SLC46A3: variants seen among roughly 807,000 people sequenced by gnomAD.
SLC46A3 encodes lysosomal proton-coupled steroid conjugate and bile acid symporter SLC46A3.
SLC46A3 carries 26 observed loss-of-function variants against 38.5 expected under a neutral mutation model. That is an observed-to-expected ratio of 0.68 (90% CI 0.49 to 0.94). SLC46A3 has a LOEUF of 0.94. Ranked by LOEUF, SLC46A3 falls within the 40% of genes least tolerant of loss-of-function variation. The pLI is 0.00. For missense variants in SLC46A3, 510 were observed against 544.3 expected (o/e 0.94, Z 0.63); for synonymous variants, 185 against 192.5 (o/e 0.96, Z 0.32).
rs74759381 is a variant in SLC46A3, at chr13:28,714,559, G to A, written c.190-1009C>T. ...AGGTCAGGAGTTTGAGACCAGCCTG[G>A]CCAACATGGCAAAACCCTGTCTCTA... On this transcript the variant is annotated intron_variant, in intron 2 of 5. Transcript: ENST00000266943. Among the ~76,000 whole-genome samples the A allele has an allele frequency of 8.4e-3, 1,284 of 152,312 alleles. 10 individuals carry two copies. The highest frequency in any genetic ancestry group is 0.029 in the African/African-American group (1,221 of 41,562).
intron 4 of SLC46A3, among the ~76,000 whole-genome samples, chr13:28,705,841 G>A (rs1305842382): frequency 1.3e-5 from 2 of 152,134 alleles, no homozygotes; most frequent in African/African-American, 2.4e-5. Flanking sequence ...CTGCAGCCAG[G>A]AATAGTGCTA....
chr13:28,706,486 TCA>T (rs796901630), intron 4 of SLC46A3, among the ~76,000 whole-genome samples: 107 of 152,352 alleles, frequency 7.0e-4, no homozygotes, highest in African/African-American at 2.5e-3. Context: ...AAGTCACAAT[TCA>T]CAGTTACCGT....
At position 28,700,502 on chromosome 13, in the gene SLC46A3, A is replaced by G. The variant is rs1884987617; in HGVS notation, c.*995T>C. On this transcript the variant is annotated 3_prime_UTR_variant, in exon 6 of 6. Transcript: ENST00000266943. ...TTCCTATGAGTGACCGTGTTGACGG[A>G]TTCAAATTTAAGGAGTACAAGATCG... The G allele has an allele frequency of 6.4e-6, 1 of 155,298 alleles. No individual in the cohort carries two copies. The highest frequency in any genetic ancestry group is 1.4e-5 in the Non-Finnish European group (1 of 70,060). The allele number at this position is 155,298 out of a possible 1,614,324, so 9.6% of individuals were successfully genotyped here. A position where few individuals can be genotyped will look rare whatever the true frequency, so the allele number is the denominator to read the frequency against.
At chr13:28,717,506 T>TTTTTTTTTTTTTTTTTTTTTTTTTTGTTG (rs1885563782) in intron 2 of SLC46A3, among the ~76,000 whole-genome samples, 1 of 98,068 alleles carries the variant, frequency 1.0e-5, no homozygotes, top group Non-Finnish European at 2.2e-5. Context: ...TTTTTTTTTT[T>TTTTTTTTTTTTTTTTTTTTTTTTTTGTTG]TTTTAGGACA....
chr13:28,713,250 G>T lies in SLC46A3; in HGVS notation c.490C>A (p.Gln164Lys), dbSNP rs991291679. The T allele has an allele frequency of 6.2e-6, 10 of 1,613,622 alleles. No homozygotes were observed. The highest frequency in any genetic ancestry group is 8.5e-6 in the Non-Finnish European group (10 of 1,179,910). ...ATGATAGCTATTCGAATTGTTTTTT[G>T]TTTGTGTTCTTTACACTGATCAACT... Reference protein sequence around the residue: ...YIVDQCKEHKQKTIRIAIIDF... With the variant: ...YIVDQCKEHKKKTIRIAIIDF... The change falls in exon 3 of 6, where the codon CAA (glutamine) becomes AAA (lysine). Residue 164 changes from glutamine (Q) to lysine (K), a missense_variant. Coordinates refer to ENST00000266943, the MANE Select transcript of SLC46A3 (RefSeq NM_181785.4).
intron 3 of SLC46A3, 52 bp downstream of exon 3, chr13:28,712,628 T>G (rs1157634102): frequency 8.1e-6 from 12 of 1,479,634 alleles, no homozygotes; most frequent in Admixed American, 2.5e-5. Context: ...TAAATTCATT[T>G]TATATGAATA....
At chr13:28,706,495 C>T (rs1376056122) in intron 4 of SLC46A3, among the ~76,000 whole-genome samples, 2 of 152,088 alleles carry the variant, frequency 1.3e-5, no homozygotes, top group Admixed American at 6.5e-5. Context: ...TTCACAGTTA[C>T]CGTAATTCAA....
Position 28,713,046 on chromosome 13 carries a change from T to C in SLC46A3, c.694A>G (p.Met232Val), listed in dbSNP as rs370485751. ...VKECSSQNVT[M>V]SCSEGFKNLF... ...TTTTTGAAGCCTTCACTACATGACA[T>C]AGTAACATTCTGAGATGAACACTCT... The change falls in exon 3 of 6, where the codon ATG (methionine) becomes GTG (valine). Residue 232 changes from methionine to valine, a missense_variant. Physicochemically the swap from Met to Val is conservative, Grantham distance 21. Coordinates refer to ENST00000266943, the MANE Select transcript of SLC46A3 (RefSeq NM_181785.4). 1 of 1,611,488 alleles carries C rather than the reference T, an allele frequency of 6.2e-7. No individual in the cohort carries two copies. The highest frequency in any genetic ancestry group is 8.5e-7 in the Non-Finnish European group (1 of 1,179,592).
Position 28,701,028 on chromosome 13 carries a change from C to T in SLC46A3, c.*469G>A. The T allele has an allele frequency of 1.3e-6, 2 of 1,519,554 alleles. No individual in the cohort carries two copies. The highest frequency in any genetic ancestry group is 2.2e-5 in the Admixed American group (1 of 44,778). 94.1% of individuals were successfully genotyped at this position (1,519,554 alleles called of 1,614,324 possible). A position where few individuals can be genotyped will look rare whatever the true frequency, so the allele number is the denominator to read the frequency against. On this transcript the variant is annotated 3_prime_UTR_variant, in exon 6 of 6. Transcript: ENST00000266943. ...GAAACTTATATCATTATTTTCCTAC[C>T]AATGAGTGATTCATCATAATTTTCA...
intron 2 of SLC46A3, among the ~76,000 whole-genome samples, chr13:28,717,565 G>A (rs1021461086): frequency 8.8e-5 from 13 of 148,416 alleles, no homozygotes; most frequent in South Asian, 2.1e-4. Flanking sequence ...GAAATTTTCC[G>A]AGAGAAAGGA....
rs2137816194 is a variant in SLC46A3 at position 28,701,193 on chromosome 13, T to C, written c.*304A>G. 1 of 1,397,734 alleles carries C rather than the reference T, an allele frequency of 7.2e-7. No homozygotes were observed. Among genetic ancestry groups the C allele is most frequent in the Non-Finnish European group, 9.3e-7 (1 of 1,076,630 alleles). 86.6% of individuals were successfully genotyped at this position (1,397,734 alleles called of 1,614,324 possible). On this transcript the variant is annotated 3_prime_UTR_variant, in exon 6 of 6. Coordinates refer to ENST00000266943, the MANE Select transcript of SLC46A3 (RefSeq NM_181785.4). ...ATTATTGCTTTTGACCTTATCAAGT[T>C]TCTTGATCCCTCCTTACACCCTTAA...
rs1433854510 is a variant in SLC46A3, at chr13:28,700,829, TA to T, written c.*667del. ...GAAACATATTAAGAAAAGTGAAAAA[TA>T]CATATTCTTTAAAGTGCCTCCCTTT... is the stretch of plus-strand genomic sequence containing the variant. On this transcript the variant is annotated 3_prime_UTR_variant, in exon 6 of 6. Coordinates refer to ENST00000266943, the MANE Select transcript of SLC46A3 (RefSeq NM_181785.4). 14 of 747,600 alleles carry T rather than the reference TA, an allele frequency of 1.9e-5. No individual in the cohort carries two copies. In the East Asian group the frequency reaches 3.7e-4, roughly 20 times the overall value. The allele number at this position is 747,600 out of a possible 1,614,324, so 46.3% of individuals were successfully genotyped here. A position where few individuals can be genotyped will look rare whatever the true frequency, so the allele number is the denominator to read the frequency against.
rs201280973 is a variant in SLC46A3, at chr13:28,713,322, A to G, written c.418T>C (p.Phe140Leu). 2 of 1,614,074 alleles carry G rather than the reference A, an allele frequency of 1.2e-6. No individual in the cohort carries two copies. The highest frequency in any genetic ancestry group is 1.7e-6 in the Non-Finnish European group (2 of 1,180,040). ...LLIASTFIGAFCGNYTTFWGA... is the reference protein window; with the variant it reads ...LLIASTFIGALCGNYTTFWGA... ...CAAAATGTGGTATAATTGCCACAAA[A>G]TGCACCAATGAAGGTAGATGCAATC... The change falls in exon 3 of 6, where the codon TTT becomes CTT. Residue 140 changes from phenylalanine to leucine, a missense_variant. Coordinates refer to ENST00000266943, the MANE Select transcript of SLC46A3 (RefSeq NM_181785.4).
In SLC46A3 at chr13:28,700,896, T is replaced by G. The variant is rs1884997035; in HGVS notation, c.*601A>C. 3 of 1,359,524 alleles carry G rather than the reference T, an allele frequency of 2.2e-6. No individual in the cohort carries two copies. The highest frequency in any genetic ancestry group is 2.0e-6 in the Non-Finnish European group (2 of 978,736). 84.2% of individuals were successfully genotyped at this position (1,359,524 alleles called of 1,614,324 possible). On this transcript the variant is annotated 3_prime_UTR_variant, in exon 6 of 6. Transcript: ENST00000266943. ...AACAAAGCACTGATTGTGGAATTCA[T>G]GTATAGTCTTCAGAAGTCACAGTAT...
chr13:28,709,524 G>A (rs1482349782), intron 4 of SLC46A3, among the ~76,000 whole-genome samples: 2 of 152,150 alleles, frequency 1.3e-5, no homozygotes, highest in East Asian at 3.8e-4. Context: ...AGATTCATAT[G>A]ATACAAAAGG....
intron 4 of SLC46A3, among the ~76,000 whole-genome samples, chr13:28,710,089 C>T (rs533281946): frequency 2.6e-5 from 4 of 152,264 alleles, no homozygotes; most frequent in South Asian, 2.1e-4. Context: ...CTAGGAGACC[C>T]GCACACACTT....
At chr13:28,714,349 C>G (rs1032464853) in intron 2 of SLC46A3, among the ~76,000 whole-genome samples, 7 of 152,142 alleles carry the variant, frequency 4.6e-5, no homozygotes, top group Non-Finnish European at 1.0e-4. Flanking sequence ...GTGGCTTACG[C>G]TTATAATCCC....
chr13:28,713,330 A>G lies in SLC46A3; in HGVS notation c.410T>C (p.Ile137Thr), dbSNP rs79092011. 5.0e-6 allele frequency: 8 copies of G among 1,613,906 alleles called. No individual in the cohort carries two copies. The highest frequency in any genetic ancestry group is 4.5e-5 in the East Asian group (2 of 44,894). The change falls in exon 3 of 6, where the codon ATT (isoleucine) becomes ACT (threonine). Residue 137 changes from isoleucine to threonine, a missense_variant. Coordinates refer to ENST00000266943, the MANE Select transcript of SLC46A3 (RefSeq NM_181785.4). ...GGTATAATTGCCACAAAATGCACCA[A>G]TGAAGGTAGATGCAATCAAAAGCTG... ...PFQLLIASTFIGAFCGNYTTF... is the reference protein window; with the variant it reads ...PFQLLIASTFTGAFCGNYTTF...
At chr13:28,714,966 A>G (rs1885486777) in intron 2 of SLC46A3, among the ~76,000 whole-genome samples, 1 of 152,234 alleles carries the variant, frequency 6.6e-6, no homozygotes, top group African/African-American at 2.4e-5. Flanking sequence ...TCCAAAGTCA[A>G]TATAAAAAGT....
Sources: allele counts gnomAD v4.1 joint callset (sites outside exome capture counted in the v4.1 genomes callset), GRCh38; gene constraint gnomAD v4.1.1; transcripts MANE v1.5; gene names NCBI Gene and HGNC (gene_info 2026-07-23, HGNC 2026-07-21).